CFAP44: variants seen among roughly 807,000 people sequenced by gnomAD.
CFAP44 encodes cilia- and flagella-associated protein 44.
Under a neutral mutation model 216.2 loss-of-function variants are expected in CFAP44, and 134 were observed. That is an observed-to-expected ratio of 0.62 (90% CI 0.54 to 0.72). The LOEUF is 0.72. Among genes scored for constraint, CFAP44 ranks in the 30% least tolerant of loss-of-function variants. The pLI is 0.00. For missense variants in CFAP44, 2,035 were observed against 2,182.1 expected, an observed-to-expected ratio of 0.93 and a Z score of 1.34; for synonymous variants, 700 against 727.6, an observed-to-expected ratio of 0.96 and a Z score of 0.61.
At chr3:113,421,552 C>A (rs1156311417) in intron 4 of CFAP44, among the ~76,000 whole-genome samples, 1 of 152,162 alleles carries the variant, frequency 6.6e-6, no homozygotes, top group Non-Finnish European at 1.5e-5. Context: ...TTTATCACAG[C>A]ACTATTTATA....
At chr3:113,403,799 G>T in intron 9 of CFAP44, 53 bp downstream of exon 9, 16 of 1,551,066 alleles carry the variant, frequency 1.0e-5, no homozygotes, top group Non-Finnish European at 1.3e-5. Context: ...CCCTTTGGGT[G>T]AGCTACAAGT....
chr3:113,320,224 G>GTCTCTC (rs111963316), intron 28 of CFAP44, among the ~76,000 whole-genome samples: 33 of 141,440 alleles, frequency 2.3e-4, no homozygotes, highest in African/African-American at 4.6e-4. Flanking sequence ...AGGTATATTA[G>GTCTCTC]TCTCTCTCTC....
chr3:113,320,475 T>TGACATCTAC (rs1257336256), intron 28 of CFAP44, among the ~76,000 whole-genome samples: 2 of 87,636 alleles, frequency 2.3e-5, no homozygotes, highest in Admixed American at 9.4e-5. Context: ...TCATATATGA[T>TGACATCTAC]ATATATGATA....
chr3:113,322,182 G>A (rs117113971), intron 28 of CFAP44, among the ~76,000 whole-genome samples: 10 of 152,222 alleles, frequency 6.6e-5, no homozygotes, highest in East Asian at 5.8e-4. Flanking sequence ...CACATAGACC[G>A]CAAGATCAGA....
rs1310238190 is a variant in CFAP44 at position 113,330,438 on chromosome 3, C to T, written c.3846G>A (p.Gln1282=). 3.3e-6 allele frequency: 5 copies of T among 1,537,188 alleles called. No homozygotes were observed. The African/African-American group carries it at 5.5e-5, about 17-fold the overall frequency. The change falls in exon 26 of 35, where the codon CAG becomes CAA. Residue 1282 remains glutamine, a synonymous_variant. Transcript: ENST00000393845. ...DEETLLNFKQ[Q]QMKSKDEKSP... is the part of the protein sequence containing the mutation. The stretch of plus-strand genomic sequence containing the variant: ...ACTTTTCATCTTTACTTTTCATTTG[C>T]TGTTGCTTAAAATTTAGGAGAGTTT...
At chr3:113,398,946 T>C (rs1934063911) in intron 13 of CFAP44, among the ~76,000 whole-genome samples, 1 of 152,048 alleles carries the variant, frequency 6.6e-6, no homozygotes, top group African/African-American at 2.4e-5. Flanking sequence ...ATGGTAGAAG[T>C]GATATTTTGA....
intron 13 of CFAP44, 103 bp from the exon 14 acceptor site, chr3:113,396,830 G>A: frequency 8.6e-7 from 1 of 1,157,490 alleles, no homozygotes. Context: ...AATATTGGCT[G>A]CCCATTGGCA....
intron 28 of CFAP44, among the ~76,000 whole-genome samples, chr3:113,325,531 G>A (rs1450915393): frequency 2.0e-5 from 3 of 151,424 alleles, no homozygotes; most frequent in South Asian, 2.1e-4. Context: ...TGCCAGCTCC[G>A]CCTCCTGGGT....
At chr3:113,373,924 A>G (rs944985424) in intron 17 of CFAP44, among the ~76,000 whole-genome samples, 3 of 152,202 alleles carry the variant, frequency 2.0e-5, no homozygotes, top group Non-Finnish European at 4.4e-5. Context: ...GCTAGTTTGC[A>G]GTTTAAGGTA....
At chr3:113,361,717 C>G (rs181862379) in intron 21 of CFAP44, among the ~76,000 whole-genome samples, 1 of 151,870 alleles carries the variant, frequency 6.6e-6, no homozygotes, top group Non-Finnish European at 1.5e-5. Flanking sequence ...CCAGGATGCT[C>G]TCGAACTCCT....
intron 15 of CFAP44, among the ~76,000 whole-genome samples, chr3:113,392,728 CA>C (rs78095620): frequency 0.19 from 28,105 of 151,858 alleles, 3,124 homozygotes; most frequent in East Asian, 0.42. Context: ...TAATAAAGAC[CA>C]GAATAACTCT....
At position 113,420,151 on chromosome 3, in the gene CFAP44, G is replaced by A. The variant is rs760973928; in HGVS notation, c.436C>T (p.Arg146Ter). The A allele has an allele frequency of 6.2e-6, 10 of 1,613,378 alleles. No individual in the cohort carries two copies. Among genetic ancestry groups the A allele is most frequent in the Non-Finnish European group, 8.5e-6 (10 of 1,179,640 alleles). Residue 146 changes from arginine to a stop codon, truncating the protein, a stop_gained, in exon 5 of 35, where the codon CGA (arginine) becomes TGA (stop). Transcript: ENST00000393845. LOFTEE classifies it high-confidence loss of function. Reference sequence around the variant, plus strand: ...TCGTCCAGAAGTTGTAGGTTGGCTCGCTTTCTACAGTCATAACCAAAAGAA... The same window carrying A: ...TCGTCCAGAAGTTGTAGGTTGGCTCACTTTCTACAGTCATAACCAAAAGAA... ...VHSFGYDCRK[R>*]ANLQLLDDSI...
intron 6 of CFAP44, among the ~76,000 whole-genome samples, chr3:113,410,654 T>C (rs1323773010): frequency 5.3e-5 from 8 of 152,220 alleles, no homozygotes; most frequent in Admixed American, 2.0e-4. Flanking sequence ...ATCCTTTGGG[T>C]ATATACCCAG....
Position 113,334,100 on chromosome 3 carries a change from C to T in CFAP44, c.3438-517G>A, listed in dbSNP as rs186584327. ...CCAAGCAGCTGGGACTACAGGCATG[C>T]GCCACCACACCCAGCTAATTTTTGT... On this transcript the variant is annotated intron_variant, in intron 24 of 34. Transcript: ENST00000393845. Among the ~76,000 whole-genome samples, 635 of 152,008 alleles carry T rather than the reference C, an allele frequency of 4.2e-3. 8 individuals carry two copies. The highest frequency in any genetic ancestry group is 0.028 in the Admixed American group (432 of 15,264).
intron 9 of CFAP44, 108 bp from the exon 10 acceptor site, chr3:113,401,847 T>C: frequency 8.2e-7 from 1 of 1,212,386 alleles, no homozygotes; most frequent in Non-Finnish European, 1.1e-6. Flanking sequence ...TCTTTTTCTT[T>C]CATGAAAAGT....
chr3:113,438,263 G>A (rs906357985), intron 1 of CFAP44, among the ~76,000 whole-genome samples: 3 of 152,202 alleles, frequency 2.0e-5, no homozygotes, highest in African/African-American at 7.2e-5. Context: ...GAGGACTTTA[G>A]TTTAACTTCC....
At chr3:113,304,954 T>C in intron 31 of CFAP44, 82 bp downstream of exon 31, 4 of 1,250,282 alleles carry the variant, frequency 3.2e-6, no homozygotes, top group Non-Finnish European at 4.4e-6. Context: ...TCCCCATTAG[T>C]GAACTATGAA....
chr3:113,419,647 T>A (rs1405240545), intron 5 of CFAP44, among the ~76,000 whole-genome samples: 1 of 152,184 alleles, frequency 6.6e-6, no homozygotes, highest in Non-Finnish European at 1.5e-5. Context: ...ACCTTCTCCA[T>A]TCCCATGGCC....
rs1286246813 is a variant in CFAP44, at chr3:113,362,111, CT to C, written c.2934+1033del. 3.3e-5 allele frequency among the ~76,000 whole-genome samples: 5 copies of C among 151,866 alleles called. No individual in the cohort carries two copies. The East Asian group carries it at 5.9e-4, about 18-fold the overall frequency. On this transcript the variant is annotated intron_variant, in intron 21 of 34. Transcript: ENST00000393845. ...CAAGCAGAAGACTAAAATATTATTT[CT>C]TTTTAGAAGATCTTGGTTGAGGGAG...
Sources: allele counts gnomAD v4.1 joint callset (sites outside exome capture counted in the v4.1 genomes callset), GRCh38; gene constraint gnomAD v4.1.1; transcripts MANE v1.5; gene names NCBI Gene and HGNC (gene_info 2026-07-23, HGNC 2026-07-21).